Variants in MYO6 observed in about 807,000 individuals in gnomAD.
MYO6 encodes unconventional myosin-VI.
Under a neutral mutation model 178.7 loss-of-function variants are expected in MYO6, and 74 were observed. The observed-to-expected ratio is 0.41, with a 90% CI of 0.34 to 0.50. MYO6 has a LOEUF of 0.50. Ranked by LOEUF, MYO6 falls within the 20% of genes least tolerant of loss-of-function variation. MYO6 has a pLI of 0.09. For missense variants in MYO6, 1,330 were observed against 1,547.4 expected, an observed-to-expected ratio of 0.86 and a Z score of 2.36; for synonymous variants, 477 against 504.6, an observed-to-expected ratio of 0.95 and a Z score of 0.73.
intron 23 of MYO6, among the ~76,000 whole-genome samples, chr6:75,885,281 C>A (rs1484592087): frequency 6.6e-6 from 1 of 151,782 alleles, no homozygotes; most frequent in African/African-American, 2.4e-5. Flanking sequence ...CGCCTGTAAT[C>A]CTAGCACTTT....
chr6:75,802,558 A>G (rs1769591242), intron 1 of MYO6, among the ~76,000 whole-genome samples: 1 of 148,456 alleles, frequency 6.7e-6, no homozygotes, highest in African/African-American at 2.5e-5. Flanking sequence ...ATCATGACTC[A>G]CTAGCCTCAA....
chr6:75,790,311 C>T (rs72654764), intron 1 of MYO6, among the ~76,000 whole-genome samples: 4,755 of 151,854 alleles, frequency 0.031, 157 homozygotes, highest in East Asian at 0.15. Context: ...ATTCCATCTT[C>T]ATTAGCAGAG....
At position 75,825,319 on chromosome 6, in the gene MYO6, G is replaced by A. The variant is rs191322213; in HGVS notation, c.187+2468G>A. Among the ~76,000 whole-genome samples, 17 of 152,230 alleles carry A rather than the reference G, an allele frequency of 1.1e-4. No homozygotes were observed. The East Asian group carries it at 2.3e-3, about 21-fold the overall frequency. ...GTATAAAATTGGAAAGAAACCGGGCGCAGTGGCCCACTCCTGTAATCCCAG... is the reference window on the plus strand; with the variant it reads ...GTATAAAATTGGAAAGAAACCGGGCACAGTGGCCCACTCCTGTAATCCCAG... On this transcript the variant is annotated intron_variant, in intron 3 of 34. Transcript: ENST00000369977.
Position 75,892,699 on chromosome 6 carries a change from G to A in MYO6, c.3107+9G>A, listed in dbSNP as rs200892534. 6.2e-7 allele frequency: 1 copy of A among 1,611,968 alleles called. No homozygotes were observed. The highest frequency in any genetic ancestry group is 8.5e-7 in the Non-Finnish European group (1 of 1,179,936). On this transcript the variant is annotated intron_variant, in intron 28 of 34. Transcript: ENST00000369977. ...GACCTGGCGCTGCGGAGGTACTGGGGCCCCTGGGTGGGGTATAGCGCTCTC... is the reference window on the plus strand; with the variant it reads ...GACCTGGCGCTGCGGAGGTACTGGGACCCCTGGGTGGGGTATAGCGCTCTC...
intron 30 of MYO6, 141 bp from the exon 31 acceptor site, chr6:75,907,464 C>T: frequency 3.0e-6 from 2 of 664,620 alleles, no homozygotes; most frequent in Non-Finnish European, 2.6e-6. Context: ...CATTCTTAAT[C>T]TCATCTGTCA....
chr6:75,774,530 C>A (rs1766192316), intron 1 of MYO6, among the ~76,000 whole-genome samples: 1 of 152,046 alleles, frequency 6.6e-6, no homozygotes, highest in African/African-American at 2.4e-5. Context: ...TTTTATGTGA[C>A]CATTTAGACC....
chr6:75,892,390 A>C, intron 27 of MYO6, 140 bp from the exon 28 acceptor site: 1 of 1,108,468 alleles, frequency 9.0e-7, no homozygotes, highest in Non-Finnish European at 1.4e-6. Flanking sequence ...TAGAGACTGA[A>C]GAGATCTGTG....
chr6:75,757,359 CTGTGTG>C (rs372864392), intron 1 of MYO6, among the ~76,000 whole-genome samples: 2 of 145,972 alleles, frequency 1.4e-5, no homozygotes, highest in East Asian at 4.1e-4. Flanking sequence ...CATCAGAAGT[CTGTGTG>C]TGTGTGTGTA....
chr6:75,839,258 G>A (rs977948368), intron 7 of MYO6, among the ~76,000 whole-genome samples: 9 of 151,750 alleles, frequency 5.9e-5, no homozygotes, highest in African/African-American at 1.5e-4. Context: ...GCGCGATCTC[G>A]GCTCGCTGCA....
Position 75,891,229 on chromosome 6 carries a change from A to C in MYO6, c.2869A>C (p.Lys957Gln). Residue 957 changes from lysine (K) to glutamine (Q), a missense_variant and splice_region_variant, in exon 27 of 35, where the codon AAA becomes CAA. By Grantham distance (53) the Lys-to-Gln change is moderately conservative. This residue lies in a region of MYO6 where 601 missense variants were observed against 626.1 expected (regional missense o/e 0.96). Coordinates refer to ENST00000369977, the MANE Select transcript of MYO6 (RefSeq NM_004999.4). ...RRKEEEERRM[K>Q]LEMEAKRKQE... ...GAAGAGTTTTCTATTTTTTATTAGG[A>C]AACTTGAGATGGAAGCAAAGAGAAA... 1 of 1,600,694 alleles carries C rather than the reference A, an allele frequency of 6.2e-7. No individual in the cohort carries two copies. The highest frequency in any genetic ancestry group is 8.5e-7 in the Non-Finnish European group (1 of 1,170,842).
chr6:75,869,336 C>T (rs960933527), intron 18 of MYO6, among the ~76,000 whole-genome samples: 5 of 152,186 alleles, frequency 3.3e-5, no homozygotes, highest in Non-Finnish European at 2.9e-5. Context: ...AATAGTATCA[C>T]TCACAGGAGA....
At position 75,762,001 on chromosome 6, in the gene MYO6, G is replaced by A. The variant is rs546684929; in HGVS notation, c.-48+12578G>A. Among the ~76,000 whole-genome samples, 17 of 151,168 alleles carry A rather than the reference G, an allele frequency of 1.1e-4. No individual in the cohort carries two copies. In the South Asian group the frequency reaches 2.7e-3, roughly 24 times the overall value. On this transcript the variant is annotated intron_variant, in intron 1 of 34. Coordinates refer to ENST00000369977, the MANE Select transcript of MYO6 (RefSeq NM_004999.4). ...GGCTGGAGTGCAGTGGCGTGATCTCGGCTCACTACAAGCCCCGCCTGCCAG... is the reference window on the plus strand; with the variant it reads ...GGCTGGAGTGCAGTGGCGTGATCTCAGCTCACTACAAGCCCCGCCTGCCAG...
rs746906605 is a variant in MYO6 at position 75,886,849 on chromosome 6, A to G, written c.2513A>G (p.Asp838Gly). 2.0e-5 allele frequency: 32 copies of G among 1,605,150 alleles called. No individual in the cohort carries two copies. The South Asian group carries it at 2.4e-4, about 12-fold the overall frequency. Residue 838 changes from aspartate (D) to glycine (G), a missense_variant, in exon 25 of 35, where the codon GAT (aspartate) becomes GGT (glycine). By Grantham distance (94) the Asp-to-Gly change is moderately conservative. Transcript: ENST00000369977. Reference protein sequence around the residue: ...LCKRRHKPRIDGLVKVGTLKK... With the variant: ...LCKRRHKPRIGGLVKVGTLKK... ...ATGAAGTATTATTTTTACAGCATTG[A>G]TGGTCTGGTTAAGGTGGGCACACTG...
At chr6:75,801,608 G>A (rs913420334) in intron 1 of MYO6, among the ~76,000 whole-genome samples, 12 of 152,130 alleles carry the variant, frequency 7.9e-5, no homozygotes, top group African/African-American at 2.9e-4. Flanking sequence ...ATGTTGTGGA[G>A]TGGAGTTGAA....
intron 20 of MYO6, among the ~76,000 whole-genome samples, chr6:75,879,464 CCAGG>C (rs1329002241): frequency 6.6e-6 from 1 of 150,540 alleles, no homozygotes; most frequent in Non-Finnish European, 1.5e-5. Context: ...GCCATGTTGC[CCAGG>C]CTGGTCTTGA....
rs727505048 is a variant in MYO6 at position 75,890,114 on chromosome 6, T to C, written c.2716T>C (p.Ser906Pro). The change falls in exon 26 of 35, where the codon TCA (serine) becomes CCA (proline). Residue 906 changes from serine (S) to proline (P), a missense_variant. By Grantham distance (74) the Ser-to-Pro change is moderately conservative (BLOSUM62 -1). Transcript: ENST00000369977. ...AGAATATGATGCACTGGTTAAAAGC[T>C]CAGAGGAACTCCTCAGTGCATTACA... ...QKEYDALVKS[S>P]EELLSALQKK... is the part of the protein sequence containing the mutation. 1.9e-6 allele frequency: 3 copies of C among 1,612,988 alleles called. No individual in the cohort carries two copies. The highest frequency in any genetic ancestry group is 2.5e-6 in the Non-Finnish European group (3 of 1,179,886).
chr6:75,859,034 C>T, intron 14 of MYO6, 41 bp downstream of exon 14: 1 of 1,300,900 alleles, frequency 7.7e-7, no homozygotes. Flanking sequence ...CTGCATAAAG[C>T]TATTTTAAAT....
intron 1 of MYO6, among the ~76,000 whole-genome samples, chr6:75,811,614 T>G (rs1360910666): frequency 6.6e-6 from 1 of 152,234 alleles, no homozygotes; most frequent in Non-Finnish European, 1.5e-5. Context: ...GAGTTTTGCT[T>G]TGCTGTGATT....
chr6:75,909,972 A>G (rs895461166), intron 32 of MYO6, among the ~76,000 whole-genome samples: 16 of 152,294 alleles, frequency 1.1e-4, no homozygotes, highest in Admixed American at 6.5e-4. Flanking sequence ...ATTATTATTA[A>G]TAGGGGTAAT....
Sources: gnomAD v4.1 joint callset for allele counts (sites outside exome capture counted in the v4.1 genomes callset) on GRCh38, gnomAD v4.1.1 for gene constraint, gnomAD v4.1.1 regional missense constraint, MANE v1.5 for transcripts, NCBI Gene and HGNC (gene_info 2026-07-23, HGNC 2026-07-21) for gene names.